The following ASCC3 variants were observed in gnomAD, a reference collection of about 807,000 sequenced individuals.
The protein encoded by ASCC3 is ASC-1 complex subunit P200.
A neutral mutation model predicts 256.3 loss-of-function variants in ASCC3; 158 were observed. The ratio of observed to expected loss-of-function variants is 0.62; its 90% confidence interval spans 0.54 to 0.70. The LOEUF (loss-of-function observed/expected upper bound fraction) is 0.70, where lower values mean the gene tolerates loss of function less well. Ranked by LOEUF, ASCC3 falls within the 30% of genes least tolerant of loss-of-function variation. The pLI is 0.00. For missense variants in ASCC3, 2,259 were observed against 2,626.0 expected (o/e 0.86, Z 3.05); for synonymous variants, 948 against 883.4 (o/e 1.07, Z -1.30).
In ASCC3 at chr6:100,829,429, A is replaced by G. The variant is rs192466375; in HGVS notation, c.801+18719T>C. Among the ~76,000 whole-genome samples, 10 of 152,102 alleles carry G rather than the reference A, an allele frequency of 6.6e-5. No homozygotes were observed. In the East Asian group the frequency reaches 1.9e-3, roughly 30 times the overall value. ...AATTGAGCACAACAGCTGCTGGCCC[A>G]GGTGCTAAGCCCCTCATTGCCCAGG... On this transcript the variant is annotated intron_variant, in intron 4 of 41. Coordinates refer to ENST00000369162, the MANE Select transcript of ASCC3 (RefSeq NM_006828.4).
intron 13 of ASCC3, among the ~76,000 whole-genome samples, chr6:100,685,008 C>A (rs936400607): frequency 1.5e-4 from 23 of 151,948 alleles, no homozygotes; most frequent in Middle Eastern, 6.8e-3. Flanking sequence ...AGGGTTTCAC[C>A]GTATTAGCCA....
intron 16 of ASCC3, among the ~76,000 whole-genome samples, chr6:100,659,779 T>G (rs1476086936): frequency 6.6e-6 from 1 of 151,640 alleles, no homozygotes; most frequent in Non-Finnish European, 1.5e-5. Flanking sequence ...GACATAAGTT[T>G]ACTGAGATAT....
intron 24 of ASCC3, among the ~76,000 whole-genome samples, chr6:100,639,932 T>C (rs1390084922): frequency 1.3e-5 from 2 of 152,028 alleles, no homozygotes; most frequent in African/African-American, 4.8e-5. Flanking sequence ...CTGGCCAACA[T>C]GGCAAAACCC....
chr6:100,614,524 C>G (rs1449967645), intron 30 of ASCC3, among the ~76,000 whole-genome samples: 1 of 152,154 alleles, frequency 6.6e-6, no homozygotes, highest in African/African-American at 2.4e-5. Flanking sequence ...CTATTATTCT[C>G]TTTCATAACT....
chr6:100,509,134 T>C lies in ASCC3; in HGVS notation c.*252A>G. 1 of 486,382 alleles carries C rather than the reference T, an allele frequency of 2.1e-6. No individual in the cohort carries two copies. The highest frequency in any genetic ancestry group is 4.1e-5 in the East Asian group (1 of 24,682). 30.1% of individuals were successfully genotyped at this position (486,382 alleles called of 1,614,324 possible). On this transcript the variant is annotated 3_prime_UTR_variant, in exon 42 of 42. Coordinates refer to ENST00000369162, the MANE Select transcript of ASCC3 (RefSeq NM_006828.4). ...CAAATATACACAAATTAAAAGATTA[T>C]TCTAAATGCTTTTTCATCTTACATA...
At chr6:100,682,305 G>A (rs547132674) in intron 13 of ASCC3, among the ~76,000 whole-genome samples, 16 of 152,072 alleles carry the variant, frequency 1.1e-4, no homozygotes, top group African/African-American at 3.1e-4. Flanking sequence ...GAGAGACAAC[G>A]CCCCTGCCCT....
At chr6:100,580,365 C>G (rs1771151476) in intron 36 of ASCC3, among the ~76,000 whole-genome samples, 1 of 151,602 alleles carries the variant, frequency 6.6e-6, no homozygotes, top group Admixed American at 6.6e-5. Context: ...TCAGTTAGGA[C>G]TAGATACAAT....
chr6:100,532,406 A>ATATAT (rs1347157842), intron 37 of ASCC3, among the ~76,000 whole-genome samples: 3 of 48,480 alleles, frequency 6.2e-5, no homozygotes, highest in Non-Finnish European at 1.2e-4. Context: ...ATATATATAT[A>ATATAT]TTTTTTTTTT....
At chr6:100,738,691 C>A (rs1418820473) in intron 10 of ASCC3, among the ~76,000 whole-genome samples, 2 of 152,150 alleles carry the variant, frequency 1.3e-5, no homozygotes, top group African/African-American at 4.8e-5. Context: ...ACTGTCTTGG[C>A]TATTTGGACT....
At chr6:100,816,839 C>A (rs1307699237) in intron 4 of ASCC3, among the ~76,000 whole-genome samples, 1 of 151,748 alleles carries the variant, frequency 6.6e-6, no homozygotes, top group Admixed American at 6.6e-5. Context: ...ATAATCCGTA[C>A]AACAAACCCA....
chr6:100,875,326 G>T (rs72951137), intron 1 of ASCC3, among the ~76,000 whole-genome samples: 1 of 152,166 alleles, frequency 6.6e-6, no homozygotes, highest in South Asian at 2.1e-4. Context: ...TATATGTATA[G>T]AGGGCATCAG....
At chr6:100,792,483 T>C (rs1035717462) in intron 8 of ASCC3, among the ~76,000 whole-genome samples, 1 of 151,888 alleles carries the variant, frequency 6.6e-6, no homozygotes, top group Non-Finnish European at 1.5e-5. Flanking sequence ...TCATGCAACA[T>C]CCTTTGTGTG....
At chr6:100,509,897 A>G in intron 41 of ASCC3, 35 bp downstream of exon 41, 1 of 1,602,814 alleles carries the variant, frequency 6.2e-7, no homozygotes, top group South Asian at 1.1e-5. Flanking sequence ...CAAAAAAAAA[A>G]AAAAAGAGAA....
At chr6:100,769,490 G>A (rs1249639747) in intron 8 of ASCC3, among the ~76,000 whole-genome samples, 1 of 151,490 alleles carries the variant, frequency 6.6e-6, no homozygotes, top group Non-Finnish European at 1.5e-5. Flanking sequence ...TTTATTATTT[G>A]TCAATTACAA....
intron 4 of ASCC3, among the ~76,000 whole-genome samples, chr6:100,810,007 C>T (rs980280570): frequency 6.6e-6 from 1 of 152,064 alleles, no homozygotes; most frequent in African/African-American, 2.4e-5. Flanking sequence ...TCACATAATA[C>T]CATGGTTTAA....
Position 100,606,997 on chromosome 6 carries a change from C to G in ASCC3, c.4877G>C (p.Arg1626Thr). The G allele has an allele frequency of 6.2e-7, 1 of 1,613,676 alleles. No individual in the cohort carries two copies. Among genetic ancestry groups the G allele is most frequent in the Non-Finnish European group, 8.5e-7 (1 of 1,179,804 alleles). Residue 1626 changes from arginine (R) to threonine (T), a missense_variant, in exon 31 of 42, where the codon AGG becomes ACG. Around this residue, in one of 2 missense-constraint regions of ASCC3, gnomAD observed 1,839 missense variants for 2,206.7 expected, o/e 0.83. Transcript: ENST00000369162. ...IGMHHAGLHE[R>T]DRKTVEELFV... ...TAGTTCCTCTACTGTTTTTCGGTCC[C>G]TCTCATGTAGTCCAGCATGATGCAT...
intron 4 of ASCC3, among the ~76,000 whole-genome samples, chr6:100,832,697 C>T (rs1363768621): frequency 2.6e-5 from 4 of 151,768 alleles, no homozygotes; most frequent in Non-Finnish European, 4.4e-5. Context: ...ATGCACCAGA[C>T]GTAAAATTCA....
At chr6:100,580,441 T>C (rs2114745043) in intron 36 of ASCC3, among the ~76,000 whole-genome samples, 1 of 152,124 alleles carries the variant, frequency 6.6e-6, no homozygotes, top group East Asian at 1.9e-4. Context: ...TTTATATATT[T>C]AGAAATGTTT....
chr6:100,543,318 A>AT (rs1261743768), intron 36 of ASCC3, among the ~76,000 whole-genome samples: 3 of 152,184 alleles, frequency 2.0e-5, no homozygotes, highest in African/African-American at 7.2e-5. Flanking sequence ...AAATGCAGCC[A>AT]TTTTTTTATG....
Sources: gnomAD v4.1 joint callset for allele counts (sites outside exome capture counted in the v4.1 genomes callset) on GRCh38, gnomAD v4.1.1 for gene constraint, gnomAD v4.1.1 regional missense constraint, MANE v1.5 for transcripts, NCBI Gene and HGNC (gene_info 2026-07-23, HGNC 2026-07-21) for gene names.